Variants in HIVEP3 observed in about 807,000 individuals in gnomAD.
HIVEP3 encodes transcription factor HIVEP3.
HIVEP3 carries 49 observed loss-of-function variants against 152.8 expected under a neutral mutation model. The observed-to-expected ratio is 0.32, with a 90% CI of 0.26 to 0.41. The LOEUF (loss-of-function observed/expected upper bound fraction) is 0.41. Among genes scored for constraint, HIVEP3 ranks in the 10% least tolerant of loss-of-function variants. The pLI is 1.00. For missense variants in HIVEP3, 2,790 were observed against 3,103.3 expected (o/e 0.90, Z 2.40); for synonymous variants, 1,269 against 1,289.0 (o/e 0.98, Z 0.33).
chr1:41,623,187 C>T lies in HIVEP3; in HGVS notation c.-522+5562G>A, dbSNP rs145748306. ...CAAATCCTCTAAAGGAGAAAATCTA[C>T]CCCAGCCGAGTCAGGCAGGAAGTGG... On this transcript the variant is annotated intron_variant, in intron 3 of 8. Transcript: ENST00000372583. 4.0e-3 allele frequency among the ~76,000 whole-genome samples: 612 copies of T among 152,324 alleles called. 5 individuals carry two copies. Among genetic ancestry groups the T allele is most frequent in the African/African-American group, 0.014 (580 of 41,568 alleles).
intron 1 of HIVEP3, among the ~76,000 whole-genome samples, chr1:41,948,760 C>T (rs764371885): frequency 1.5e-4 from 21 of 137,474 alleles, no homozygotes; most frequent in Non-Finnish European, 2.5e-4. Flanking sequence ...AAACCCTTCA[C>T]CAAACCTTTC....
Position 41,720,411 on chromosome 1 carries a change from T to C in HIVEP3, c.-800-19416A>G, listed in dbSNP as rs527892278. 2.3e-4 allele frequency among the ~76,000 whole-genome samples: 35 copies of C among 152,366 alleles called. No individual in the cohort carries two copies. In the South Asian group the frequency reaches 7.3e-3, roughly 32 times the overall value. Reference sequence around the variant, plus strand: ...CCTTGGGTCTGTCTAGAAAGAGACATGTTCATCCAGCTCTGACTCACCCAG... The same window carrying C: ...CCTTGGGTCTGTCTAGAAAGAGACACGTTCATCCAGCTCTGACTCACCCAG... On this transcript the variant is annotated intron_variant, in intron 1 of 8. Coordinates refer to ENST00000372583, the MANE Select transcript of HIVEP3 (RefSeq NM_024503.5).
chr1:41,741,533 C>T (rs1646996491), intron 1 of HIVEP3, among the ~76,000 whole-genome samples: 1 of 152,192 alleles, frequency 6.6e-6, no homozygotes, highest in African/African-American at 2.4e-5. Flanking sequence ...CAGGTTCCTT[C>T]CTCTCTAATC....
At chr1:41,722,655 T>C (rs891664807) in intron 1 of HIVEP3, among the ~76,000 whole-genome samples, 1 of 151,690 alleles carries the variant, frequency 6.6e-6, no homozygotes, top group Admixed American at 6.6e-5. Context: ...GGACAGTCTC[T>C]ATTCTGTGGG....
chr1:42,004,013 G>A (rs1176478722), intron 1 of HIVEP3, among the ~76,000 whole-genome samples: 1 of 152,188 alleles, frequency 6.6e-6, no homozygotes, highest in Non-Finnish European at 1.5e-5. Context: ...GGCATCTCAT[G>A]TTGTAGGTCA....
At chr1:41,544,831 T>C (rs199762944) in intron 5 of HIVEP3, among the ~76,000 whole-genome samples, 1,663 of 8,994 alleles carry the variant, frequency 0.18, 4 homozygotes, top group Middle Eastern at 0.23. Context: ...ACCACCACCA[T>C]CACCACCACC....
intron 1 of HIVEP3, among the ~76,000 whole-genome samples, chr1:42,031,889 T>C (rs931282428): frequency 3.9e-5 from 6 of 152,260 alleles, no homozygotes; most frequent in Admixed American, 2.6e-4. Flanking sequence ...CTTCATGGTT[T>C]CCTGTGTGAA....
intron 1 of HIVEP3, among the ~76,000 whole-genome samples, chr1:41,781,130 A>T (rs1210444397): frequency 6.6e-6 from 1 of 152,214 alleles, no homozygotes; most frequent in Non-Finnish European, 1.5e-5. Flanking sequence ...AGGAATGAGA[A>T]GGCCGTGTGC....
chr1:41,934,262 G>T (rs567538344), intron 1 of HIVEP3, among the ~76,000 whole-genome samples: 35 of 152,176 alleles, frequency 2.3e-4, no homozygotes, highest in African/African-American at 8.4e-4. Context: ...GGCTTTGCCC[G>T]CTTCTACTAG....
chr1:41,669,907 C>A (rs1198196718), intron 2 of HIVEP3, among the ~76,000 whole-genome samples: 1 of 152,070 alleles, frequency 6.6e-6, no homozygotes, highest in Non-Finnish European at 1.5e-5. Flanking sequence ...TCTAGAGAAC[C>A]CTTATAGATG....
Position 41,599,253 on chromosome 1 carries a change from G to A in HIVEP3, c.-521-13935C>T, listed in dbSNP as rs781104173. ...CGATATCATACCATACACAGAAAAC[G>A]AATGTGAAATGAATAAATGATAGGC... On this transcript the variant is annotated intron_variant, in intron 3 of 8. Transcript: ENST00000372583. 6.6e-5 allele frequency among the ~76,000 whole-genome samples: 10 copies of A among 152,056 alleles called. No individual in the cohort carries two copies. The East Asian group carries it at 7.7e-4, about 12-fold the overall frequency.
intron 1 of HIVEP3, among the ~76,000 whole-genome samples, chr1:41,707,427 A>G (rs1327098831): frequency 1.3e-5 from 2 of 152,242 alleles, no homozygotes; most frequent in Admixed American, 1.3e-4. Context: ...GGGGCAAGAA[A>G]GGACTTACCC....
Position 41,510,138 on chromosome 1 carries a change from G to T in HIVEP3, c.*313C>A, listed in dbSNP as rs531237187. On this transcript the variant is annotated 3_prime_UTR_variant, in exon 9 of 9. Transcript: ENST00000372583. ...GGGGTGGGTGGCTGCCAACCACAGCGGGGAGGGTCAGGAGGCTTCACCATC... is the reference window on the plus strand; with the variant it reads ...GGGGTGGGTGGCTGCCAACCACAGCTGGGAGGGTCAGGAGGCTTCACCATC... 3 of 247,808 alleles carry T rather than the reference G, an allele frequency of 1.2e-5. No homozygotes were observed. The highest frequency in any genetic ancestry group is 1.8e-4 in the South Asian group (1 of 5,672). The allele number at this position is 247,808 out of a possible 1,614,324, so 15.4% of individuals were successfully genotyped here. A position where few individuals can be genotyped will look rare whatever the true frequency, so the allele number is the denominator to read the frequency against.
rs1644419861 is a variant in HIVEP3, at chr1:41,509,617, G to T, written c.*834C>A. ...AGTCAGGGCTCCTTCCCCAGCCCAG[G>T]GGGCCAGGGTGGGGTGCAGAAGGGA... On this transcript the variant is annotated 3_prime_UTR_variant, in exon 9 of 9. Transcript: ENST00000372583. The T allele has an allele frequency of 6.6e-6, 1 of 152,088 alleles. No homozygotes were observed. Among genetic ancestry groups the T allele is most frequent in the Non-Finnish European group, 1.5e-5 (1 of 68,046 alleles). 9.4% of individuals were successfully genotyped at this position (152,088 alleles called of 1,614,324 possible). A position where few individuals can be genotyped will look rare whatever the true frequency, so the allele number is the denominator to read the frequency against.
At chr1:41,547,548 G>C (rs376637704) in intron 5 of HIVEP3, among the ~76,000 whole-genome samples, 19 of 152,288 alleles carry the variant, frequency 1.2e-4, no homozygotes, top group African/African-American at 3.1e-4. Context: ...TTGGCTGGTA[G>C]AGCGAGGAGC....
At chr1:41,600,503 T>A (rs1306941121) in intron 3 of HIVEP3, among the ~76,000 whole-genome samples, 2 of 152,014 alleles carry the variant, frequency 1.3e-5, no homozygotes, top group East Asian at 1.9e-4. Flanking sequence ...GTACTTAGAG[T>A]AATCAAATTC....
chr1:41,729,820 T>C (rs1326450973), intron 1 of HIVEP3, among the ~76,000 whole-genome samples: 1 of 152,208 alleles, frequency 6.6e-6, no homozygotes, highest in Admixed American at 6.5e-5. Context: ...TGCGAGGTGC[T>C]GGAGCCGGGA....
At chr1:41,717,041 C>G (rs1357293934) in intron 1 of HIVEP3, among the ~76,000 whole-genome samples, 1 of 152,204 alleles carries the variant, frequency 6.6e-6, no homozygotes, top group Non-Finnish European at 1.5e-5. Context: ...TTGGGGAGAG[C>G]TGGTTGCCCT....
chr1:41,553,961 C>T (rs1436744140), intron 5 of HIVEP3, among the ~76,000 whole-genome samples: 4 of 152,076 alleles, frequency 2.6e-5, no homozygotes, highest in Non-Finnish European at 5.9e-5. Context: ...GGTGAATTAT[C>T]AAATTGTGTG....
Sources: gnomAD v4.1 joint callset for allele counts (sites outside exome capture counted in the v4.1 genomes callset) on GRCh38, gnomAD v4.1.1 for gene constraint, MANE v1.5 for transcripts, NCBI Gene and HGNC (gene_info 2026-07-23, HGNC 2026-07-21) for gene names.